The following MAP3K5 variants were observed in gnomAD, a reference collection of about 807,000 sequenced individuals.
The protein encoded by MAP3K5 is mitogen-activated protein kinase kinase kinase 5, also known as ASK-1.
Under a neutral mutation model 158.7 loss-of-function variants are expected in MAP3K5, and 56 were observed. That is an observed-to-expected ratio of 0.35 (90% CI 0.28 to 0.44). The LOEUF is 0.44. Among genes scored for constraint, MAP3K5 ranks in the 20% least tolerant of loss-of-function variants. MAP3K5 has a pLI of 1.00. For synonymous variants in MAP3K5, 579 were observed against 601.7 expected (o/e 0.96, Z 0.55); for missense variants, 1,294 against 1,674.8 (o/e 0.77, Z 3.97).
In MAP3K5 at chr6:136,695,941, T is replaced by G; in HGVS notation, c.1082+10A>C. The G allele has an allele frequency of 1.3e-6, 2 of 1,566,802 alleles. No homozygotes were observed. Among genetic ancestry groups the G allele is most frequent in the Non-Finnish European group, 1.8e-6 (2 of 1,142,232 alleles). On this transcript the variant is annotated intron_variant, in intron 6 of 29. Coordinates refer to ENST00000359015, the MANE Select transcript of MAP3K5 (RefSeq NM_005923.4). ...TTAACGCATTCTGGAAGGGAACTTT[T>G]TCTTCTTACCTATTCAGTGCAAATG...
At chr6:136,780,165 T>C (rs1469683730) in intron 1 of MAP3K5, among the ~76,000 whole-genome samples, 4 of 152,226 alleles carry the variant, frequency 2.6e-5, no homozygotes, top group Non-Finnish European at 5.9e-5. Context: ...TACCTTTGAT[T>C]GTCCTCCTAG....
chr6:136,771,602 C>T (rs1011163200), intron 1 of MAP3K5, among the ~76,000 whole-genome samples: 2 of 152,158 alleles, frequency 1.3e-5, no homozygotes, highest in African/African-American at 4.8e-5. Context: ...AATATGACTG[C>T]AAAGCTGCCC....
At chr6:136,624,194 A>G (rs1396726558) in intron 14 of MAP3K5, among the ~76,000 whole-genome samples, 1 of 152,200 alleles carries the variant, frequency 6.6e-6, no homozygotes, top group African/African-American at 2.4e-5. Flanking sequence ...ACTCCATCTC[A>G]AAGAAAAAAA....
At chr6:136,731,974 T>G (rs1310471684) in intron 1 of MAP3K5, among the ~76,000 whole-genome samples, 1 of 152,164 alleles carries the variant, frequency 6.6e-6, no homozygotes, top group African/African-American at 2.4e-5. Flanking sequence ...GTACGCATTT[T>G]TGAAGTCAAG....
At position 136,691,351 on chromosome 6, in the gene MAP3K5, C is replaced by T. The variant is rs185784228; in HGVS notation, c.1253+2789G>A. Among the ~76,000 whole-genome samples, 13 of 152,286 alleles carry T rather than the reference C, an allele frequency of 8.5e-5. No homozygotes were observed. The East Asian group carries it at 2.3e-3, about 27-fold the overall frequency. The stretch of plus-strand genomic sequence containing the variant: ...CAAGGCTGGGCACGGTGGCTCACAC[C>T]TGTAATCCCAGCACTTCAGGAGGCC... On this transcript the variant is annotated intron_variant, in intron 7 of 29. Coordinates refer to ENST00000359015, the MANE Select transcript of MAP3K5 (RefSeq NM_005923.4).
chr6:136,686,196 T>C (rs750579905), intron 7 of MAP3K5, among the ~76,000 whole-genome samples: 5 of 152,192 alleles, frequency 3.3e-5, no homozygotes, highest in Admixed American at 1.3e-4. Context: ...GTAAGTGTCA[T>C]GTGCAAGATC....
At chr6:136,579,228 C>A (rs1486450940) in intron 25 of MAP3K5, among the ~76,000 whole-genome samples, 1 of 152,156 alleles carries the variant, frequency 6.6e-6, no homozygotes, top group Non-Finnish European at 1.5e-5. Context: ...TGCATCCATG[C>A]ATCCACCCAC....
intron 1 of MAP3K5, among the ~76,000 whole-genome samples, chr6:136,735,572 G>A (rs1399962487): frequency 6.6e-6 from 1 of 152,188 alleles, no homozygotes. Flanking sequence ...GCTCAAGCCT[G>A]TAATTCCCAG....
chr6:136,662,990 T>C (rs73777956), intron 8 of MAP3K5, among the ~76,000 whole-genome samples: 3,710 of 152,318 alleles, frequency 0.024, 155 homozygotes, highest in African/African-American at 0.084. Flanking sequence ...CTTTTTGTCA[T>C]AGTCTTATCA....
intron 8 of MAP3K5, among the ~76,000 whole-genome samples, chr6:136,659,979 G>A (rs1016270357): frequency 1.3e-5 from 2 of 152,076 alleles, no homozygotes; most frequent in African/African-American, 4.8e-5. Context: ...AAAACCCAAG[G>A]ATAACTGCTA....
chr6:136,698,575 C>G lies in MAP3K5; in HGVS notation c.720G>C (p.Pro240=). 8 of 1,613,976 alleles carry G rather than the reference C, an allele frequency of 5.0e-6. No homozygotes were observed. The highest frequency in any genetic ancestry group is 6.8e-6 in the Non-Finnish European group (8 of 1,179,938). ...TGGGTCCAAGAAGCAGCTCGAAGTT[C>G]GGTTGCATGAGCTCTGTCAACCCCT... is the stretch of plus-strand genomic sequence containing the variant. ...FMKGLTELMQ[P]NFELLLGPIC... Residue 240 remains proline, a synonymous_variant, in exon 4 of 30, where the codon CCG becomes CCC. Coordinates refer to ENST00000359015, the MANE Select transcript of MAP3K5 (RefSeq NM_005923.4).
At chr6:136,775,091 T>C (rs936300492) in intron 1 of MAP3K5, among the ~76,000 whole-genome samples, 11 of 152,082 alleles carry the variant, frequency 7.2e-5, no homozygotes, top group Admixed American at 1.3e-4. Context: ...CAAGAGGGAA[T>C]AGATAGGGCT....
chr6:136,605,402 G>C (rs1484606420), intron 18 of MAP3K5, 36 bp from the exon 19 acceptor site: 2 of 1,566,916 alleles, frequency 1.3e-6, no homozygotes, highest in East Asian at 2.3e-5. Flanking sequence ...ATTTTAAAAA[G>C]ATAAAACAGA....
At position 136,654,487 on chromosome 6, in the gene MAP3K5, C is replaced by T. The variant is rs182911688; in HGVS notation, c.1680+1820G>A. On this transcript the variant is annotated intron_variant, in intron 10 of 29. Transcript: ENST00000359015. ...TAGAGATGGAGTTTTGCTCTTGTTGCCCAGGCTGGACTGCAATGGCATGGT... is the reference window on the plus strand; with the variant it reads ...TAGAGATGGAGTTTTGCTCTTGTTGTCCAGGCTGGACTGCAATGGCATGGT... Among the ~76,000 whole-genome samples, 3 of 151,958 alleles carry T rather than the reference C, an allele frequency of 2.0e-5. No homozygotes were observed. In the East Asian group the frequency reaches 5.8e-4, roughly 29 times the overall value.
At chr6:136,684,244 A>G (rs1583412795) in intron 7 of MAP3K5, among the ~76,000 whole-genome samples, 1 of 151,924 alleles carries the variant, frequency 6.6e-6, no homozygotes, top group African/African-American at 2.4e-5. Context: ...AAAAAGGAAG[A>G]AAAATGTCAG....
At chr6:136,611,739 T>C (rs1461018728) in intron 17 of MAP3K5, among the ~76,000 whole-genome samples, 1 of 152,208 alleles carries the variant, frequency 6.6e-6, no homozygotes, top group Non-Finnish European at 1.5e-5. Flanking sequence ...ATTTATAGTT[T>C]AGTTGATAAT....
chr6:136,671,993 A>G (rs1301766446), intron 7 of MAP3K5, among the ~76,000 whole-genome samples: 1 of 152,190 alleles, frequency 6.6e-6, no homozygotes, highest in African/African-American at 2.4e-5. Flanking sequence ...TTATACCAAG[A>G]AAAAACATTA....
At chr6:136,663,921 TTAATC>T (rs996470843) in intron 8 of MAP3K5, among the ~76,000 whole-genome samples, 20 of 152,190 alleles carry the variant, frequency 1.3e-4, no homozygotes, top group African/African-American at 4.8e-4. Flanking sequence ...TCAATCTCTT[TTAATC>T]TAATCAATCC....
chr6:136,643,025 C>A (rs544608811), intron 11 of MAP3K5, among the ~76,000 whole-genome samples: 82 of 152,198 alleles, frequency 5.4e-4, no homozygotes, highest in African/African-American at 1.9e-3. Flanking sequence ...ACTAAATAGG[C>A]GGTTCTATTT....
Sources: allele counts gnomAD v4.1 joint callset (sites outside exome capture counted in the v4.1 genomes callset), GRCh38; gene constraint gnomAD v4.1.1; transcripts MANE v1.5; gene names NCBI Gene and HGNC (gene_info 2026-07-23, HGNC 2026-07-21).